The following ICE2 variants were observed in gnomAD, a reference collection of about 807,000 sequenced individuals.
ICE2 encodes interactor of little elongation complex ELL subunit 2, also known as little elongation complex subunit 2.
ICE2 carries 87 observed loss-of-function variants against 105.4 expected under a neutral mutation model. The observed-to-expected ratio is 0.83, with a 90% confidence interval of 0.69 to 0.99. The LOEUF (loss-of-function observed/expected upper bound fraction) is 0.99, where lower values mean the gene tolerates loss of function less well. Among genes scored for constraint, ICE2 ranks in the 50% least tolerant of loss-of-function variants. The probability of loss-of-function intolerance (pLI) is 0.00; values close to 1 mark genes in which losing one functional copy is unlikely to be tolerated. For missense variants in ICE2, 1,323 were observed against 1,146.7 expected (o/e 1.15, Z -2.22); for synonymous variants, 399 against 392.0 (o/e 1.02, Z -0.21).
At chr15:60,466,827 C>T in intron 4 of ICE2, 114 bp from the exon 5 acceptor site, 3 of 857,744 alleles carry the variant, frequency 3.5e-6, no homozygotes, top group Non-Finnish European at 5.3e-6. Flanking sequence ...AGTATCAAAT[C>T]CAAAGCAGAA....
chr15:60,451,890 C>T (rs942887337), intron 9 of ICE2: 10 of 222,762 alleles, frequency 4.5e-5, no homozygotes, highest in African/African-American at 2.3e-4. Context: ...ATAGGCTTAC[C>T]TTCTGGGAAT....
intron 15 of ICE2, among the ~76,000 whole-genome samples, chr15:60,424,320 C>A (rs894331202): frequency 1.4e-5 from 2 of 139,574 alleles, no homozygotes; most frequent in African/African-American, 5.3e-5. Flanking sequence ...AGTTTCAAGA[C>A]AAGAACCCAA....
At chr15:60,423,842 C>T in intron 15 of ICE2, 80 bp from the exon 16 acceptor site, 2 of 1,245,556 alleles carry the variant, frequency 1.6e-6, no homozygotes, top group Non-Finnish European at 2.1e-6. Flanking sequence ...AGTATTTATA[C>T]ATGTATTAAC....
chr15:60,460,943 C>A (rs1022355906), intron 5 of ICE2, among the ~76,000 whole-genome samples: 1 of 152,072 alleles, frequency 6.6e-6, no homozygotes, highest in African/African-American at 2.4e-5. Context: ...TGCAAGCACC[C>A]CTGACACTTC....
intron 10 of ICE2, 111 bp downstream of exon 10, chr15:60,448,737 A>G: frequency 1.1e-6 from 1 of 873,882 alleles, no homozygotes; most frequent in Non-Finnish European, 1.7e-6. Flanking sequence ...AATATCAGTG[A>G]CTATATGACA....
At chr15:60,431,858 A>AC in intron 14 of ICE2, 76 bp downstream of exon 14, 1 of 799,704 alleles carries the variant, frequency 1.3e-6, no homozygotes, top group East Asian at 2.8e-5. Flanking sequence ...TCCTAACAGT[A>AC]CATTTTCAAA....
chr15:60,455,283 T>C (rs749911264), intron 7 of ICE2, 43 bp downstream of exon 7: 6 of 1,556,582 alleles, frequency 3.9e-6, no homozygotes, highest in East Asian at 2.2e-5. Context: ...TTGTGAGATA[T>C]AAAAGATTAT....
At chr15:60,456,871 C>T (rs1179149863) in intron 5 of ICE2, 77 bp from the exon 6 acceptor site, 1 of 822,148 alleles carries the variant, frequency 1.2e-6, no homozygotes, top group Admixed American at 3.1e-5. Context: ...TTACATGTGA[C>T]TATGTAATTA....
At chr15:60,461,225 T>TA (rs1173071861) in intron 5 of ICE2, among the ~76,000 whole-genome samples, 2 of 152,114 alleles carry the variant, frequency 1.3e-5, no homozygotes, top group Non-Finnish European at 2.9e-5. Flanking sequence ...TTTGATAAAT[T>TA]AGACCATTAA....
intron 5 of ICE2, among the ~76,000 whole-genome samples, chr15:60,460,398 C>T (rs1036877208): frequency 2.0e-5 from 3 of 151,990 alleles, no homozygotes; most frequent in Non-Finnish European, 4.4e-5. Flanking sequence ...CTCGGTAGGC[C>T]GAGGCAGGAG....
intron 5 of ICE2, among the ~76,000 whole-genome samples, chr15:60,457,428 T>A (rs879589590): frequency 1.3e-5 from 2 of 152,130 alleles, no homozygotes; most frequent in African/African-American, 2.4e-5. Context: ...GGAAGAGTTG[T>A]TTGATTAAAA....
At chr15:60,436,531 C>T (rs755928267) in intron 12 of ICE2, among the ~76,000 whole-genome samples, 7 of 151,616 alleles carry the variant, frequency 4.6e-5, no homozygotes, top group Non-Finnish European at 8.8e-5. Flanking sequence ...TATTAAAATA[C>T]TGGTGTTTCT....
Position 60,436,157 on chromosome 15 carries a change from C to T in ICE2, c.2496G>A (p.Lys832=), listed in dbSNP as rs534080698. ...AACTTTCTTACTTGAGTGCTGAAAG[C>T]TTTTCTTTTAATTCTTCTGAGGTAA... ...EEITSEELKE[K]LSALKISNLF... The change falls in exon 13 of 16, where the codon AAG becomes AAA. Residue 832 remains lysine (K), a synonymous_variant. Coordinates refer to ENST00000261520, the MANE Select transcript of ICE2 (RefSeq NM_024611.6). 3 of 1,446,204 alleles carry T rather than the reference C, an allele frequency of 2.1e-6. No homozygotes were observed. The highest frequency in any genetic ancestry group is 2.7e-5 in the South Asian group (2 of 72,984). 89.6% of individuals were successfully genotyped at this position (1,446,204 alleles called of 1,614,324 possible).
chr15:60,463,583 GC>G (rs986996834), intron 5 of ICE2, among the ~76,000 whole-genome samples: 7 of 152,268 alleles, frequency 4.6e-5, no homozygotes, highest in African/African-American at 1.7e-4. Flanking sequence ...GACCAGCCTG[GC>G]CAATACGGTG....
At chr15:60,450,676 A>G (rs564760497) in intron 9 of ICE2, among the ~76,000 whole-genome samples, 1 of 152,294 alleles carries the variant, frequency 6.6e-6, no homozygotes, top group South Asian at 2.1e-4. Flanking sequence ...AGAAAGATCA[A>G]CTCGTGTAAG....
chr15:60,449,906 T>C, intron 9 of ICE2, 65 bp from the exon 10 acceptor site: 1 of 1,130,854 alleles, frequency 8.8e-7, no homozygotes, highest in Non-Finnish European at 1.3e-6. Flanking sequence ...TCTCTTAATG[T>C]CCCTATCCCT....
At chr15:60,424,509 C>G (rs1184823657) in intron 15 of ICE2, among the ~76,000 whole-genome samples, 1 of 152,060 alleles carries the variant, frequency 6.6e-6, no homozygotes, top group Non-Finnish European at 1.5e-5. Flanking sequence ...GAGAGGTGGT[C>G]TATTTTTTTT....
At chr15:60,453,836 T>C (rs766454001) in intron 8 of ICE2, 52 bp from the exon 9 acceptor site, 7 of 1,413,594 alleles carry the variant, frequency 5.0e-6, no homozygotes, top group Middle Eastern at 4.1e-4. Flanking sequence ...TTGTGATATA[T>C]TTTTTAAAAA....
intron 9 of ICE2, among the ~76,000 whole-genome samples, chr15:60,450,452 T>G (rs949057697): frequency 3.3e-5 from 5 of 152,236 alleles, no homozygotes; most frequent in African/African-American, 1.2e-4. Context: ...TTGTTTTTCA[T>G]GTACTGTTTT....
Sources: allele counts gnomAD v4.1 joint callset (sites outside exome capture counted in the v4.1 genomes callset), GRCh38; gene constraint gnomAD v4.1.1; transcripts MANE v1.5; gene names NCBI Gene and HGNC (gene_info 2026-07-23, HGNC 2026-07-21).